Variants in AKAP7 observed in about 807,000 individuals in gnomAD.
The protein encoded by AKAP7 is A kinase (PRKA) anchor protein 7.
A neutral mutation model predicts 39.5 loss-of-function variants in AKAP7; 39 were observed. The observed-to-expected ratio is 0.99, with a 90% confidence interval of 0.76 to 1.29. The LOEUF (loss-of-function observed/expected upper bound fraction) is 1.29, where lower values mean the gene tolerates loss of function less well. Among genes scored for constraint, AKAP7 ranks in the 50% most tolerant of loss-of-function variants. The pLI is 0.00. For missense variants in AKAP7, 414 were observed against 407.7 expected (o/e 1.02, Z -0.13); for synonymous variants, 140 against 139.1 (o/e 1.01, Z -0.05).
chr6:131,280,890 A>G (rs1366070636), intron 7 of AKAP7, among the ~76,000 whole-genome samples: 1 of 152,248 alleles, frequency 6.6e-6, no homozygotes, highest in Non-Finnish European at 1.5e-5. Context: ...ATTTACATCT[A>G]GTAATTTATC....
At chr6:131,224,683 A>G (rs1300169011) in intron 7 of AKAP7, among the ~76,000 whole-genome samples, 1 of 151,370 alleles carries the variant, frequency 6.6e-6, no homozygotes, top group Non-Finnish European at 1.5e-5. Flanking sequence ...TTAAAAAAAA[A>G]ATCAGTTAGT....
chr6:131,171,142 A>G (rs767389540), intron 5 of AKAP7, among the ~76,000 whole-genome samples: 1 of 152,200 alleles, frequency 6.6e-6, no homozygotes, highest in Non-Finnish European at 1.5e-5. Context: ...GCCAGTGCCA[A>G]CTAGTACTTG....
At chr6:131,254,557 T>A (rs949031984) in intron 7 of AKAP7, among the ~76,000 whole-genome samples, 1 of 152,230 alleles carries the variant, frequency 6.6e-6, no homozygotes, top group Admixed American at 6.5e-5. Context: ...CATTTTGAAG[T>A]ACACTGCTTT....
chr6:131,148,847 C>A (rs1044962174), intron 2 of AKAP7, among the ~76,000 whole-genome samples: 3 of 152,138 alleles, frequency 2.0e-5, no homozygotes, highest in African/African-American at 7.2e-5. Context: ...ATTTGGCTTT[C>A]TTGTACATTT....
chr6:131,239,946 G>A (rs1269518100), intron 7 of AKAP7, among the ~76,000 whole-genome samples: 1 of 152,210 alleles, frequency 6.6e-6, no homozygotes, highest in East Asian at 1.9e-4. Context: ...TCCGTTGCTG[G>A]TGAGGAGCTG....
At chr6:131,158,972 C>G (rs1802680399) in intron 2 of AKAP7, among the ~76,000 whole-genome samples, 1 of 151,762 alleles carries the variant, frequency 6.6e-6, no homozygotes, top group Non-Finnish European at 1.5e-5. Context: ...TTTCTGGGAG[C>G]ATGCTTTGTA....
chr6:131,197,861 G>A lies in AKAP7; in HGVS notation c.590-1600G>A, dbSNP rs1259372962. ...GAGAAAGTAGGACCAGGGGACCAAC[G>A]CTAGTATGGAGGCTGTGAAGGCCCC... is the stretch of plus-strand genomic sequence containing the variant. On this transcript the variant is annotated intron_variant, in intron 5 of 7. Coordinates refer to ENST00000431975, the MANE Select transcript of AKAP7 (RefSeq NM_016377.4). 2.6e-5 allele frequency among the ~76,000 whole-genome samples: 4 copies of A among 152,266 alleles called. No homozygotes were observed. The Middle Eastern group carries it at 0.014, about 518-fold the overall frequency.
intron 7 of AKAP7, among the ~76,000 whole-genome samples, chr6:131,279,796 G>T (rs1169938510): frequency 6.6e-6 from 1 of 152,180 alleles, no homozygotes; most frequent in Non-Finnish European, 1.5e-5. Flanking sequence ...GCACAAGTAG[G>T]ATGGCAGATG....
chr6:131,184,866 G>A, intron 5 of AKAP7: 1 of 1,347,016 alleles, frequency 7.4e-7, no homozygotes, highest in Non-Finnish European at 1.1e-6. Context: ...AAATGTCACA[G>A]GCATAGGGCT....
chr6:131,143,723 T>G (rs1357306666), intron 1 of AKAP7, among the ~76,000 whole-genome samples: 1 of 151,740 alleles, frequency 6.6e-6, no homozygotes, highest in South Asian at 2.1e-4. Flanking sequence ...ATCATAGCCA[T>G]GTTGTAGCCA....
At chr6:131,222,815 C>A (rs1434673727) in intron 7 of AKAP7, among the ~76,000 whole-genome samples, 3 of 152,190 alleles carry the variant, frequency 2.0e-5, no homozygotes, top group Non-Finnish European at 4.4e-5. Flanking sequence ...AGAAGTTTTA[C>A]TGTGGGTAAA....
At position 131,256,631 on chromosome 6, in the gene AKAP7, A is replaced by C. The variant is rs555335662; in HGVS notation, c.851-24899A>C. Among the ~76,000 whole-genome samples, 3 of 141,490 alleles carry C rather than the reference A, an allele frequency of 2.1e-5. No individual in the cohort carries two copies. The South Asian group carries it at 6.8e-4, about 32-fold the overall frequency. The allele number at this position is 141,490 out of a possible 152,430, so 92.8% of individuals were successfully genotyped here. On this transcript the variant is annotated intron_variant, in intron 7 of 7. Coordinates refer to ENST00000431975, the MANE Select transcript of AKAP7 (RefSeq NM_016377.4). Reference sequence around the variant, plus strand: ...CATCTTCCTGGGGGGCCATGAAAGAAGCAGCAGGACTCTGATATACCGAAA... The same window carrying C: ...CATCTTCCTGGGGGGCCATGAAAGACGCAGCAGGACTCTGATATACCGAAA...
intron 2 of AKAP7, among the ~76,000 whole-genome samples, chr6:131,148,328 G>A (rs1801637899): frequency 6.6e-6 from 1 of 152,128 alleles, no homozygotes; most frequent in African/African-American, 2.4e-5. Context: ...TATGACTTTT[G>A]TGGGAAGATG....
chr6:131,269,634 A>C (rs1031868148), intron 7 of AKAP7, among the ~76,000 whole-genome samples: 3 of 152,338 alleles, frequency 2.0e-5, no homozygotes, highest in Admixed American at 6.5e-5. Context: ...AAGGAGATTT[A>C]AACAACAGAG....
At chr6:131,170,032 C>T (rs778923106) in intron 5 of AKAP7, among the ~76,000 whole-genome samples, 3 of 150,746 alleles carry the variant, frequency 2.0e-5, no homozygotes, top group African/African-American at 4.9e-5. Context: ...TGTGTATCTA[C>T]GTTTCTCTCT....
chr6:131,223,696 G>A (rs979794064), intron 7 of AKAP7, among the ~76,000 whole-genome samples: 1 of 152,014 alleles, frequency 6.6e-6, no homozygotes, highest in African/African-American at 2.4e-5. Context: ...ACCTTATAAG[G>A]TCTCTTACAA....
chr6:131,135,464 C>T (rs1406123881), upstream of AKAP7, among the ~76,000 whole-genome samples: 5 of 152,120 alleles, frequency 3.3e-5, no homozygotes, highest in Non-Finnish European at 1.5e-5. Flanking sequence ...GGGTCGGCCC[C>T]TTCTGGCTTG....
intron 2 of AKAP7, among the ~76,000 whole-genome samples, chr6:131,147,714 C>G (rs1299092825): frequency 6.6e-6 from 1 of 152,204 alleles, no homozygotes; most frequent in Non-Finnish European, 1.5e-5. Context: ...TAGCCATGCC[C>G]TGTGTGCCCA....
At chr6:131,261,452 A>G (rs776693940) in intron 7 of AKAP7, among the ~76,000 whole-genome samples, 15 of 152,122 alleles carry the variant, frequency 9.9e-5, no homozygotes, top group Non-Finnish European at 4.4e-5. Context: ...AATTTTTATG[A>G]AACTATTTTG....
Sources: allele counts gnomAD v4.1 joint callset (sites outside exome capture counted in the v4.1 genomes callset), GRCh38; gene constraint gnomAD v4.1.1; transcripts MANE v1.5; gene names NCBI Gene and HGNC (gene_info 2026-07-23, HGNC 2026-07-21).